Variants in ADAMTS6 observed in about 807,000 individuals in gnomAD.
ADAMTS6 encodes the protein A disintegrin and metalloproteinase with thrombospondin motifs 6.
ADAMTS6 carries 23 observed loss-of-function variants against 144.3 expected under a neutral mutation model. The observed-to-expected ratio is 0.16, with a 90% CI of 0.11 to 0.23. The LOEUF (loss-of-function observed/expected upper bound fraction) is 0.23, where lower values mean the gene tolerates loss of function less well. Among genes scored for constraint, ADAMTS6 ranks in the 10% least tolerant of loss-of-function variants. The pLI, the probability that ADAMTS6 is intolerant of heterozygous loss-of-function variation, is 1.00. For synonymous variants in ADAMTS6, 444 were observed against 457.5 expected (o/e 0.97, Z 0.38); for missense variants, 999 against 1,379.6 (o/e 0.72, Z 4.37).
At chr5:65,386,839 G>C (rs963569261) in intron 7 of ADAMTS6, among the ~76,000 whole-genome samples, 2 of 152,082 alleles carry the variant, frequency 1.3e-5, no homozygotes, top group Admixed American at 1.3e-4. Context: ...CATTCGCCTC[G>C]GCCTCCCAAA....
intron 17 of ADAMTS6, among the ~76,000 whole-genome samples, chr5:65,224,625 C>T (rs962406656): frequency 6.6e-6 from 1 of 152,118 alleles, no homozygotes; most frequent in Non-Finnish European, 1.5e-5. Context: ...ATTTTAAAAG[C>T]CTCAACACGA....
chr5:65,452,020 C>T lies in ADAMTS6; in HGVS notation c.927+113G>A, dbSNP rs922229909. ...GTGTAGAGCTAAAAATCATATCCAA[C>T]TAGAATTTCCTAATAGAAGCAATAA... On this transcript the variant is annotated intron_variant, in intron 6 of 24. Transcript: ENST00000381055. 4.6e-6 allele frequency: 4 copies of T among 866,218 alleles called. No homozygotes were observed. The African/African-American group carries it at 5.2e-5, about 11-fold the overall frequency. The allele number at this position is 866,218 out of a possible 1,614,324, so 53.7% of individuals were successfully genotyped here. A position where few individuals can be genotyped will look rare whatever the true frequency, so the allele number is the denominator to read the frequency against.
chr5:65,369,983 A>G (rs1374021378), intron 7 of ADAMTS6, among the ~76,000 whole-genome samples: 3 of 152,138 alleles, frequency 2.0e-5, no homozygotes, highest in Admixed American at 6.5e-5. Flanking sequence ...CTAGGGAAAT[A>G]AAGATTACTC....
At chr5:65,466,458 T>C (rs765518253) in intron 3 of ADAMTS6, among the ~76,000 whole-genome samples, 2 of 152,236 alleles carry the variant, frequency 1.3e-5, no homozygotes, top group Non-Finnish European at 2.9e-5. Context: ...CAACGTATTA[T>C]AGTTTTTATT....
chr5:65,375,314 T>G (rs1185500867), intron 7 of ADAMTS6, among the ~76,000 whole-genome samples: 2 of 151,398 alleles, frequency 1.3e-5, no homozygotes, highest in African/African-American at 4.9e-5. Flanking sequence ...ACCATCAGAG[T>G]GAACAGGAAA....
chr5:65,265,549 G>A (rs1273460428), intron 12 of ADAMTS6, among the ~76,000 whole-genome samples: 1 of 151,676 alleles, frequency 6.6e-6, no homozygotes, highest in Non-Finnish European at 1.5e-5. Flanking sequence ...TAACTGAGCA[G>A]TATAGTCCTG....
At chr5:65,230,951 A>C (rs1371690572) in intron 15 of ADAMTS6, among the ~76,000 whole-genome samples, 1 of 149,088 alleles carries the variant, frequency 6.7e-6, no homozygotes, top group Non-Finnish European at 1.5e-5. Flanking sequence ...TTACAAAGGA[A>C]GACAGCAAAG....
chr5:65,314,276 T>C (rs180830138), intron 9 of ADAMTS6, among the ~76,000 whole-genome samples: 181 of 152,092 alleles, frequency 1.2e-3, no homozygotes, highest in African/African-American at 3.9e-3. Flanking sequence ...AACTTGATAA[T>C]AGGGTGAATA....
intron 7 of ADAMTS6, among the ~76,000 whole-genome samples, chr5:65,373,365 A>G (rs1580527156): frequency 6.6e-6 from 1 of 151,730 alleles, no homozygotes; most frequent in East Asian, 1.9e-4. Flanking sequence ...AGCTAGCAAG[A>G]CTAATAAAGA....
rs150510186 is a variant in ADAMTS6 at position 65,352,182 on chromosome 5, A to G, written c.1074-18097T>C. On this transcript the variant is annotated intron_variant, in intron 7 of 24. Coordinates refer to ENST00000381055, the MANE Select transcript of ADAMTS6 (RefSeq NM_197941.4). Reference sequence around the variant, plus strand: ...TGCAAAGATGTTTATAAGTGATAAAATAAGAAAAAAGGTGAATTTGTTGCT... The same window carrying G: ...TGCAAAGATGTTTATAAGTGATAAAGTAAGAAAAAAGGTGAATTTGTTGCT... Among the ~76,000 whole-genome samples the G allele has an allele frequency of 2.0e-3, 306 of 151,080 alleles. 1 individual carries two copies. The highest frequency in any genetic ancestry group is 7.0e-3 in the African/African-American group (281 of 40,382).
chr5:65,271,261 G>T (rs1309287184), intron 12 of ADAMTS6, among the ~76,000 whole-genome samples: 1 of 151,366 alleles, frequency 6.6e-6, no homozygotes. Flanking sequence ...GGTGGTATGT[G>T]CCTGTAATCC....
intron 7 of ADAMTS6, among the ~76,000 whole-genome samples, chr5:65,389,378 T>C (rs974594317): frequency 1.3e-5 from 2 of 152,184 alleles, no homozygotes; most frequent in Non-Finnish European, 2.9e-5. Flanking sequence ...GCCTTCCTAG[T>C]ATGGAAGAAC....
At chr5:65,422,919 T>C (rs1226044441) in intron 7 of ADAMTS6, among the ~76,000 whole-genome samples, 2 of 152,064 alleles carry the variant, frequency 1.3e-5, no homozygotes, top group African/African-American at 2.4e-5. Flanking sequence ...CATCAAACGA[T>C]GAATGGATTA....
At chr5:65,472,137 A>G (rs994547272) in intron 2 of ADAMTS6, among the ~76,000 whole-genome samples, 2 of 152,230 alleles carry the variant, frequency 1.3e-5, no homozygotes, top group Non-Finnish European at 2.9e-5. Flanking sequence ...CTTCATAATC[A>G]AAGTTCATTA....
chr5:65,247,009 C>T (rs1456919062), intron 14 of ADAMTS6, among the ~76,000 whole-genome samples: 8 of 152,044 alleles, frequency 5.3e-5, no homozygotes, highest in East Asian at 1.9e-4. Context: ...ATAATAAATG[C>T]TGACACTATG....
At chr5:65,204,485 T>G (rs1331376460) in intron 20 of ADAMTS6, among the ~76,000 whole-genome samples, 1 of 152,154 alleles carries the variant, frequency 6.6e-6, no homozygotes, top group African/African-American at 2.4e-5. Flanking sequence ...ACAGGTGCCC[T>G]GTTATGATGC....
chr5:65,457,793 C>G (rs1378814323), intron 4 of ADAMTS6, among the ~76,000 whole-genome samples: 2 of 118,948 alleles, frequency 1.7e-5, no homozygotes, highest in East Asian at 4.9e-4. Flanking sequence ...TCGGTGTGAT[C>G]TTCGCTCACT....
In ADAMTS6 at chr5:65,172,997, T is replaced by C. The variant is rs142540751; in HGVS notation, c.2922A>G (p.Lys974=). ...VALDWSECTP[K]CGPGFKHRIV... Reference sequence around the variant, plus strand: ...TCCGATGCTTGAATCCTGGACCACATTTTGGAGTACACTGGAAATAAAACA... The same window carrying C: ...TCCGATGCTTGAATCCTGGACCACACTTTGGAGTACACTGGAAATAAAACA... Residue 974 remains lysine, a synonymous_variant, in exon 23 of 25, where the codon AAA becomes AAG. Coordinates refer to ENST00000381055, the MANE Select transcript of ADAMTS6 (RefSeq NM_197941.4). The C allele has an allele frequency of 2.5e-6, 4 of 1,613,246 alleles. No individual in the cohort carries two copies. In the African/African-American group the frequency reaches 4.0e-5, roughly 16 times the overall value.
intron 7 of ADAMTS6, chr5:65,415,627 A>G: frequency 3.2e-6 from 1 of 310,654 alleles, no homozygotes; most frequent in Non-Finnish European, 6.3e-6. Context: ...GAGATCACTG[A>G]TTTTTTTCGG....
Sources: allele counts gnomAD v4.1 joint callset (sites outside exome capture counted in the v4.1 genomes callset), GRCh38; gene constraint gnomAD v4.1.1; transcripts MANE v1.5; gene names NCBI Gene and HGNC (gene_info 2026-07-23, HGNC 2026-07-21).